The following PERM1 variants were observed in gnomAD, a reference collection of about 807,000 sequenced individuals.
PERM1 encodes the protein PGC-1 and ERR-induced regulator in muscle protein 1.
In PERM1, 45 loss-of-function variants were observed where a neutral mutation model predicts 44.1. The ratio of observed to expected loss-of-function variants is 1.02; its 90% CI spans 0.80 to 1.31. PERM1 has a LOEUF of 1.31. Ranked by LOEUF, PERM1 falls within the 50% of genes most tolerant of loss-of-function variation. The pLI is 0.00. For synonymous variants in PERM1, 565 were observed against 477.1 expected (o/e 1.18, Z -2.40); for missense variants, 1,189 against 1,106.9 (o/e 1.07, Z -1.05).
chr1:976,055 TC>T, exon 3 of PERM1: 2 of 1,048,836 alleles, frequency 1.9e-6, no homozygotes, highest in Non-Finnish European at 2.7e-6. Context: ...CACGCCCCCC[TC>T]CTGGACGCGG....
Position 979,370 on chromosome 1 carries a change from G to A in PERM1, c.1660C>T (p.Arg554Trp), listed in dbSNP as rs574739709. ...GGGCGAGGCAGGTGCTTGAGGATCC[G>A]AGGCTGGTGGGGCCGGGGCCCGACA... is the stretch of plus-strand genomic sequence containing the variant. Residue 554 changes from arginine (R) to tryptophan (W), a missense_variant, in exon 1 of 3, where the codon CGG (arginine) becomes TGG (tryptophan). Arg to Trp is a moderately radical substitution (Grantham distance 101). Coordinates refer to ENST00000433179, the Ensembl canonical transcript of PERM1. 4.4e-5 allele frequency: 66 copies of A among 1,506,222 alleles called. No individual in the cohort carries two copies. In the African/African-American group the frequency reaches 7.0e-4, roughly 16 times the overall value. The allele number at this position is 1,506,222 out of a possible 1,614,324, so 93.3% of individuals were successfully genotyped here.
chr1:980,235 G>A, exon 1 of PERM1: 2 of 1,550,416 alleles, frequency 1.3e-6, no homozygotes, highest in Non-Finnish European at 1.7e-6. Context: ...TTTGGTCTGT[G>A]CCTTGCTCTG....
exon 1 of PERM1, chr1:979,774 G>A: frequency 6.5e-7 from 1 of 1,550,384 alleles, no homozygotes; most frequent in Non-Finnish European, 8.7e-7. Flanking sequence ...CTTAGCCACT[G>A]GGCCTGCTGT....
At chr1:980,831 C>T in exon 1 of PERM1, 1 of 1,401,072 alleles carries the variant, frequency 7.1e-7, no homozygotes, top group South Asian at 1.7e-5. Flanking sequence ...CTCCGCCCTC[C>T]TGCAGCTAGC....
chr1:978,951 CT>C lies in PERM1; in HGVS notation c.2078del (p.Glu693GlyfsTer14). On this transcript the variant is annotated frameshift_variant, in exon 1 of 3. Coordinates refer to ENST00000433179, the Ensembl canonical transcript of PERM1. LOFTEE classifies it high-confidence loss of function. Reference sequence around the variant, plus strand: ...TGAGGGGGGTCCCAGGCCCCGCCCCCTCGGAGGCCGACCGGGGAGGCTCCAG... The same window carrying C: ...TGAGGGGGGTCCCAGGCCCCGCCCCCCGGAGGCCGACCGGGGAGGCTCCAG... The C allele has an allele frequency of 6.6e-7, 1 of 1,510,026 alleles. No individual in the cohort carries two copies. The highest frequency in any genetic ancestry group is 1.3e-5 in the South Asian group (1 of 78,898). 93.5% of individuals were successfully genotyped at this position (1,510,026 alleles called of 1,614,324 possible).
chr1:980,667 AG>A lies in PERM1; in HGVS notation c.362del (p.Pro121LeufsTer99). 1 of 1,429,674 alleles carries A rather than the reference AG, an allele frequency of 7.0e-7. No homozygotes were observed. The highest frequency in any genetic ancestry group is 1.6e-5 in the South Asian group (1 of 64,128). The allele number at this position is 1,429,674 out of a possible 1,614,324, so 88.6% of individuals were successfully genotyped here. ...CAGGGCAGGATGAGAACTGGCTGGG[AG>A]GGCTGGCGCCGGGGCCGAGGGACGG... On this transcript the variant is annotated frameshift_variant, in exon 1 of 3. Transcript: ENST00000433179. LOFTEE classifies it high-confidence loss of function.
chr1:976,343 C>A, intron 2 of PERM1, 74 bp from the exon 4 acceptor site: 1 of 1,473,186 alleles, frequency 6.8e-7, no homozygotes, highest in South Asian at 1.4e-5. Flanking sequence ...ACCCAGCCCT[C>A]AAAGGGCGGG....
At position 979,038 on chromosome 1, in the gene PERM1, G is replaced by A. The variant is rs773737688; in HGVS notation, c.1992C>T (p.Phe664=). The A allele has an allele frequency of 4.5e-5, 70 of 1,540,492 alleles. No homozygotes were observed. Among genetic ancestry groups the A allele is most frequent in the South Asian group, 1.1e-4 (9 of 83,200 alleles). ...CGCCCTCAAGCCTGTCCTCCCCGAA[G>A]AAGAAGTGTTCATAGACCTCAGGGA... is the stretch of plus-strand genomic sequence containing the variant. The change falls in exon 1 of 3, where the codon TTC becomes TTT. Residue 664 remains phenylalanine (F), a synonymous_variant. Transcript: ENST00000433179.
At chr1:976,411 C>G (rs2100493913) in intron 2 of PERM1, 88 bp downstream of exon 3, 1 of 1,537,894 alleles carries the variant, frequency 6.5e-7, no homozygotes, top group African/African-American at 1.4e-5. Context: ...CAGGGGTGAG[C>G]CCCGGGGCCC....
chr1:976,528 T>C (rs1210500700), exon 2 of PERM1: 1 of 1,549,418 alleles, frequency 6.5e-7, no homozygotes, highest in East Asian at 2.4e-5. Flanking sequence ...GGTATGCGGA[T>C]CTGACGTCCT....
At chr1:979,453 G>A in exon 1 of PERM1, 1 of 1,545,768 alleles carries the variant, frequency 6.5e-7, no homozygotes, top group South Asian at 1.2e-5. Context: ...CTGGGGGGCT[G>A]AGGGCCGGGC....
chr1:975,405 G>A (rs570272731), exon 3 of PERM1: 2 of 152,368 alleles, frequency 1.3e-5, no homozygotes, highest in South Asian at 4.1e-4. Context: ...GAGCCCCCGG[G>A]ACAACCCCAG....
intron 1 of PERM1, 61 bp downstream of exon 2, chr1:978,820 A>G (rs1055805507): frequency 2.9e-5 from 40 of 1,390,346 alleles, no homozygotes; most frequent in Non-Finnish European, 3.7e-5. Context: ...CTGCTTGGCC[A>G]AGATCCCTGG....
At chr1:980,672 T>C in exon 1 of PERM1, 1 of 1,428,338 alleles carries the variant, frequency 7.0e-7, no homozygotes, top group Non-Finnish European at 9.1e-7. Flanking sequence ...CTGGGAGGGC[T>C]GGCGCCGGGG....
At chr1:980,941 G>C in exon 1 of PERM1, 1 of 1,436,566 alleles carries the variant, frequency 7.0e-7, no homozygotes, top group Non-Finnish European at 9.1e-7. Flanking sequence ...GGCCAGGCCG[G>C]CCTGCAGGAG....
chr1:976,305 CT>C, intron 2 of PERM1, 36 bp from the exon 4 acceptor site: 1 of 1,472,058 alleles, frequency 6.8e-7, no homozygotes, highest in Non-Finnish European at 9.0e-7. Context: ...GAGGGCCAGC[CT>C]GGCTGTCGGC....
chr1:981,156 C>T (rs533224692), upstream of PERM1: 15 of 1,548,850 alleles, frequency 9.7e-6, no homozygotes, highest in African/African-American at 1.4e-4. Flanking sequence ...CCCACCGCCT[C>T]GGGGCTCCAT....
chr1:975,869 C>A (rs556249540), exon 3 of PERM1: 2 of 386,332 alleles, frequency 5.2e-6, no homozygotes, highest in Non-Finnish European at 9.3e-6. Context: ...CCCACTATTG[C>A]CTGTCTGAAA....
At chr1:979,282 G>A (rs1157806981) in exon 1 of PERM1, 1 of 1,548,560 alleles carries the variant, frequency 6.5e-7, no homozygotes, top group South Asian at 1.2e-5. Context: ...GAACTCGTAG[G>A]CCTCCGGGAG....
Sources: allele counts gnomAD v4.1 joint callset, GRCh38; gene constraint gnomAD v4.1.1; transcripts MANE v1.5; gene names NCBI Gene and HGNC (gene_info 2026-07-23, HGNC 2026-07-21).